Variants in TMEM156 observed in about 807,000 individuals in gnomAD.
TMEM156 encodes transmembrane protein 156.
In TMEM156, 28 loss-of-function variants were observed where a neutral mutation model predicts 30.5. The ratio of observed to expected loss-of-function variants is 0.92; its 90% CI spans 0.68 to 1.26. The LOEUF (loss-of-function observed/expected upper bound fraction) is 1.26. Ranked by LOEUF, TMEM156 falls within the 50% of genes most tolerant of loss-of-function variation. TMEM156 has a pLI of 0.00. For missense variants in TMEM156, 351 were observed against 340.6 expected (o/e 1.03, Z -0.24); for synonymous variants, 137 against 119.9 (o/e 1.14, Z -0.93).
intron 1 of TMEM156, among the ~76,000 whole-genome samples, chr4:39,016,088 C>A (rs764374980): frequency 6.6e-6 from 1 of 152,014 alleles, no homozygotes; most frequent in Non-Finnish European, 1.5e-5. Context: ...TTAAAATAAC[C>A]AGCTTGGCTG....
intron 5 of TMEM156, among the ~76,000 whole-genome samples, chr4:38,976,890 T>TTTGTTGTTA: frequency 6.6e-6 from 1 of 151,310 alleles, no homozygotes; most frequent in South Asian, 2.1e-4. Context: ...ACATTGTTCT[T>TTTGTTGTTA]TTGTTGTTGT....
At position 38,990,375 on chromosome 4, in the gene TMEM156, G is replaced by T. The variant is rs541134961; in HGVS notation, c.620-1405C>A. Reference sequence around the variant, plus strand: ...CAAGACTATTCCACGCTCTTCAGCTGCCAGGCTTGCATTCCTCACGCAGCA... The same window carrying T: ...CAAGACTATTCCACGCTCTTCAGCTTCCAGGCTTGCATTCCTCACGCAGCA... On this transcript the variant is annotated intron_variant, in intron 3 of 6. Coordinates refer to ENST00000381938, the MANE Select transcript of TMEM156 (RefSeq NM_024943.3). Among the ~76,000 whole-genome samples the T allele has an allele frequency of 6.6e-5, 10 of 152,322 alleles. No individual in the cohort carries two copies. In the South Asian group the frequency reaches 2.1e-3, roughly 32 times the overall value.
intron 1 of TMEM156, among the ~76,000 whole-genome samples, chr4:39,027,151 G>A (rs1715249284): frequency 6.6e-6 from 1 of 152,128 alleles, no homozygotes; most frequent in Non-Finnish European, 1.5e-5. Flanking sequence ...ACATGTAAAT[G>A]TATTTGTTAA....
intron 3 of TMEM156, among the ~76,000 whole-genome samples, chr4:38,990,134 C>G (rs1024551040): frequency 3.3e-5 from 5 of 152,220 alleles, no homozygotes; most frequent in Non-Finnish European, 5.9e-5. Flanking sequence ...GTACACTCTT[C>G]TTTGCATACA....
At chr4:38,987,515 G>C (rs1339143436) in intron 4 of TMEM156, among the ~76,000 whole-genome samples, 1 of 152,206 alleles carries the variant, frequency 6.6e-6, no homozygotes, top group Non-Finnish European at 1.5e-5. Flanking sequence ...CTAGTCAAAA[G>C]AATGAATTGC....
intron 5 of TMEM156, among the ~76,000 whole-genome samples, chr4:38,979,291 G>A (rs1054865063): frequency 3.3e-5 from 5 of 152,192 alleles, no homozygotes; most frequent in African/African-American, 1.2e-4. Context: ...TCCTGGCAGG[G>A]TCCTGGCCTT....
chr4:38,967,946 T>G (rs2109846318), intron 6 of TMEM156, among the ~76,000 whole-genome samples: 1 of 152,362 alleles, frequency 6.6e-6, no homozygotes, highest in South Asian at 2.1e-4. Context: ...TTTTAGTTTT[T>G]TGAGAAATCT....
At chr4:38,975,612 A>G (rs991362144) in intron 5 of TMEM156, among the ~76,000 whole-genome samples, 1 of 151,772 alleles carries the variant, frequency 6.6e-6, no homozygotes, top group Non-Finnish European at 1.5e-5. Context: ...CGAACTTCTG[A>G]TCTCGAGGCC....
At chr4:39,020,675 G>A (rs193222546) in intron 1 of TMEM156, among the ~76,000 whole-genome samples, 143 of 152,074 alleles carry the variant, frequency 9.4e-4, no homozygotes, top group Non-Finnish European at 1.6e-3. Context: ...TCAGCCTCCC[G>A]AGTAGCTGTG....
intron 1 of TMEM156, among the ~76,000 whole-genome samples, chr4:39,004,283 A>G (rs1425012666): frequency 1.3e-5 from 2 of 152,178 alleles, no homozygotes; most frequent in Non-Finnish European, 2.9e-5. Flanking sequence ...GGGAAAATAC[A>G]TGGCACTATA....
intron 5 of TMEM156, among the ~76,000 whole-genome samples, chr4:38,974,308 A>C (rs1391931862): frequency 6.0e-5 from 9 of 150,314 alleles, no homozygotes; most frequent in Non-Finnish European, 7.4e-5. Flanking sequence ...GGGCTCAAGC[A>C]GTCCTCCTGC....
In TMEM156 at chr4:39,032,385, T is replaced by C. The variant is rs1715579659; in HGVS notation, c.-72A>G. ...TATGTTGCTTCCTGCTTTAAGTTTA[T>C]CTCTGCAGCACTTTAGGTTAATGCA... On this transcript the variant is annotated 5_prime_UTR_variant, in exon 1 of 7. Transcript: ENST00000381938. 1 of 906,894 alleles carries C rather than the reference T, an allele frequency of 1.1e-6. No homozygotes were observed. Among genetic ancestry groups the C allele is most frequent in the Non-Finnish European group, 1.8e-6 (1 of 562,940 alleles). The allele number at this position is 906,894 out of a possible 1,614,324, so 56.2% of individuals were successfully genotyped here. A position where few individuals can be genotyped will look rare whatever the true frequency, so the allele number is the denominator to read the frequency against.
At chr4:38,975,459 C>T (rs1298536369) in intron 5 of TMEM156, among the ~76,000 whole-genome samples, 4 of 150,772 alleles carry the variant, frequency 2.7e-5, no homozygotes, top group Non-Finnish European at 4.4e-5. Flanking sequence ...CTCGGCTCAC[C>T]GCAACCTCCA....
chr4:38,986,437 A>G lies in TMEM156; in HGVS notation c.740-18T>C. ...TCTATGACCTATTCCCAGAAAAGAAATGAAGTATTTAGATGATAAACAAGC... is the reference window on the plus strand; with the variant it reads ...TCTATGACCTATTCCCAGAAAAGAAGTGAAGTATTTAGATGATAAACAAGC... On this transcript the variant is annotated intron_variant, in intron 4 of 6. Coordinates refer to ENST00000381938, the MANE Select transcript of TMEM156 (RefSeq NM_024943.3). 1 of 1,562,574 alleles carries G rather than the reference A, an allele frequency of 6.4e-7. No individual in the cohort carries two copies. Among genetic ancestry groups the G allele is most frequent in the Non-Finnish European group, 8.8e-7 (1 of 1,133,414 alleles).
chr4:39,002,470 G>A (rs1030504140), intron 1 of TMEM156, among the ~76,000 whole-genome samples: 1 of 129,700 alleles, frequency 7.7e-6, no homozygotes, highest in African/African-American at 2.6e-5. Context: ...GTGGAAGTCA[G>A]TGCGGCGATT....
At chr4:38,992,705 A>G (rs1254948433) in intron 3 of TMEM156, among the ~76,000 whole-genome samples, 3 of 41,558 alleles carry the variant, frequency 7.2e-5, no homozygotes, top group East Asian at 1.5e-3. Context: ...TATATAATAT[A>G]TATATATTAT....
intron 6 of TMEM156, among the ~76,000 whole-genome samples, chr4:38,968,882 G>C (rs149258381): frequency 3.3e-5 from 5 of 152,268 alleles, no homozygotes; most frequent in African/African-American, 1.2e-4. Context: ...TGCCCTGGGA[G>C]GCCAACTTAC....
intron 5 of TMEM156, among the ~76,000 whole-genome samples, chr4:38,972,285 A>C (rs1722638969): frequency 9.6e-6 from 1 of 104,488 alleles, no homozygotes; most frequent in African/African-American, 3.9e-5. Flanking sequence ...ACAGAGTCTC[A>C]CTCTGTCGCC....
Position 38,993,797 on chromosome 4 carries a change from A to T in TMEM156, c.560T>A (p.Ile187Asn), listed in dbSNP as rs1310592954. Reference protein sequence around the residue: ...KEKSINYTCRIMEYPNDCIHI... With the variant: ...KEKSINYTCRNMEYPNDCIHI... ...TATACAATCATTCGGGTATTCCATG[A>T]TTCTACAAGTGTAGTTTATCGATTT... The change falls in exon 3 of 7, where the codon ATC (isoleucine) becomes AAC (asparagine). Residue 187 changes from isoleucine to asparagine, a missense_variant. Transcript: ENST00000381938. The T allele has an allele frequency of 6.2e-7, 1 of 1,613,822 alleles. No individual in the cohort carries two copies. The highest frequency in any genetic ancestry group is 1.7e-5 in the Admixed American group (1 of 60,016).
Sources: allele counts gnomAD v4.1 joint callset (sites outside exome capture counted in the v4.1 genomes callset), GRCh38; gene constraint gnomAD v4.1.1; transcripts MANE v1.5; gene names NCBI Gene and HGNC (gene_info 2026-07-23, HGNC 2026-07-21).